The following EIF3L variants were observed in gnomAD, a reference collection of about 807,000 sequenced individuals.
EIF3L encodes the protein eIEF associated protein HSPC021.
A neutral mutation model predicts 74.6 loss-of-function variants in EIF3L; 32 were observed. The observed-to-expected ratio is 0.43, with a 90% CI of 0.32 to 0.58. The LOEUF is 0.58. EIF3L is among the 20% of genes least tolerant of loss of function. The probability of loss-of-function intolerance (pLI) is 0.06; values close to 1 mark genes in which losing one functional copy is unlikely to be tolerated. For synonymous variants in EIF3L, 256 were observed against 254.4 expected (o/e 1.01, Z -0.06); for missense variants, 474 against 707.8 (o/e 0.67, Z 3.75).
chr22:37,871,217 C>T (rs977664654), intron 8 of EIF3L: 1 of 152,110 alleles, frequency 6.6e-6, no homozygotes, highest in Admixed American at 6.5e-5. Flanking sequence ...CTGTGTCACC[C>T]AGTCTGGTCT....
chr22:37,867,923 C>G (rs1424552996), intron 7 of EIF3L, among the ~76,000 whole-genome samples: 2 of 147,226 alleles, frequency 1.4e-5, no homozygotes, highest in Admixed American at 6.8e-5. Flanking sequence ...CCACTGCACT[C>G]CAGCCTCGGA....
rs754708343 is a variant in EIF3L at position 37,863,312 on chromosome 22, G to T, written c.546G>T (p.Trp182Cys). ...GPAPLELPNQ[W>C]LWDIIDEFIY... is the part of the protein sequence containing the mutation. ...CTCCCCTTGAACTACCCAACCAGTG[G>T]CTCTGGGATATTATCGATGAGTTCA... is the stretch of plus-strand genomic sequence containing the variant. Residue 182 changes from tryptophan (W) to cysteine (C), a missense_variant, in exon 7 of 13, where the codon TGG (tryptophan) becomes TGT (cysteine). Physicochemically the swap from Trp to Cys is radical, Grantham distance 215. Transcript: ENST00000652021. 6.2e-6 allele frequency: 10 copies of T among 1,613,924 alleles called. No individual in the cohort carries two copies. The highest frequency in any genetic ancestry group is 8.5e-6 in the Non-Finnish European group (10 of 1,179,964).
At chr22:37,855,723 CTG>C in intron 4 of EIF3L, 79 bp downstream of exon 4, 2 of 1,272,088 alleles carry the variant, frequency 1.6e-6, no homozygotes, top group South Asian at 1.3e-5. Context: ...TCAAGAGGGT[CTG>C]TGTCTGTTTT....
At chr22:37,877,589 C>A in intron 10 of EIF3L, 85 bp from the exon 11 acceptor site, 1 of 1,467,816 alleles carries the variant, frequency 6.8e-7, no homozygotes, top group Non-Finnish European at 9.2e-7. Context: ...AAGATCTGTG[C>A]AGAGAATGGT....
At chr22:37,861,293 T>C (rs751914443) in intron 5 of EIF3L, among the ~76,000 whole-genome samples, 1 of 152,108 alleles carries the variant, frequency 6.6e-6, no homozygotes, top group Non-Finnish European at 1.5e-5. Flanking sequence ...CAGGAGCCAC[T>C]GTCAGTAGTG....
chr22:37,885,071 A>AC (rs1569125433), intron 11 of EIF3L: 1 of 151,844 alleles, frequency 6.6e-6, no homozygotes, highest in Non-Finnish European at 1.5e-5. Flanking sequence ...GGACTGCACC[A>AC]CCACATCTTG....
intron 4 of EIF3L, among the ~76,000 whole-genome samples, chr22:37,856,353 A>G (rs1298268043): frequency 1.3e-5 from 2 of 152,244 alleles, no homozygotes; most frequent in East Asian, 3.9e-4. Flanking sequence ...CTAGGATTAT[A>G]GGCATGAGCC....
intron 7 of EIF3L, among the ~76,000 whole-genome samples, chr22:37,864,695 C>T (rs562664397): frequency 7.9e-5 from 12 of 152,020 alleles, no homozygotes; most frequent in African/African-American, 2.2e-4. Flanking sequence ...CCCACCACCA[C>T]GCCCAGCTAA....
chr22:37,861,357 C>T (rs973000787), intron 5 of EIF3L, among the ~76,000 whole-genome samples: 1 of 152,034 alleles, frequency 6.6e-6, no homozygotes, highest in African/African-American at 2.4e-5. Flanking sequence ...TTCCGGCATC[C>T]CAGCGGGATC....
At chr22:37,860,208 A>G (rs139744515) in intron 5 of EIF3L, among the ~76,000 whole-genome samples, 75 of 152,274 alleles carry the variant, frequency 4.9e-4, no homozygotes, top group Admixed American at 7.9e-4. Context: ...AGTTTTTCTC[A>G]TGGTAATCAT....
chr22:37,864,215 AC>A (rs1284905594), intron 7 of EIF3L, among the ~76,000 whole-genome samples: 6 of 152,092 alleles, frequency 3.9e-5, no homozygotes, highest in Non-Finnish European at 8.8e-5. Context: ...ACACCAACTT[AC>A]GTGGATATTT....
chr22:37,849,984 G>T, intron 1 of EIF3L, 31 bp from the exon 2 acceptor site: 1 of 1,613,190 alleles, frequency 6.2e-7, no homozygotes, highest in Admixed American at 1.7e-5. Flanking sequence ...CGACTTGGCG[G>T]CTGTCCTTGA....
In EIF3L at chr22:37,875,722, T is replaced by C. The variant is rs149588315; in HGVS notation, c.907-119T>C. The C allele has an allele frequency of 3.1e-5, 28 of 910,350 alleles. No homozygotes were observed. In the East Asian group the frequency reaches 7.2e-4, roughly 23 times the overall value. 56.4% of individuals were successfully genotyped at this position (910,350 alleles called of 1,614,324 possible). A position where few individuals can be genotyped will look rare whatever the true frequency, so the allele number is the denominator to read the frequency against. On this transcript the variant is annotated intron_variant, in intron 9 of 12. Coordinates refer to ENST00000652021, the MANE Select transcript of EIF3L (RefSeq NM_016091.4). The stretch of plus-strand genomic sequence containing the variant: ...AAGATCCGCTCTCAAACTCTGGGAC[T>C]CCAGAGCTTCCTCTGGATAGTTGAG...
At chr22:37,863,763 T>C (rs1925991200) in intron 7 of EIF3L, among the ~76,000 whole-genome samples, 1 of 152,126 alleles carries the variant, frequency 6.6e-6, no homozygotes, top group African/African-American at 2.4e-5. Context: ...ATTATCTTTT[T>C]TTTTTTAAGA....
intron 2 of EIF3L, among the ~76,000 whole-genome samples, 184 bp downstream of exon 2, chr22:37,850,247 C>A (rs924725959): frequency 6.6e-6 from 1 of 152,144 alleles, no homozygotes; most frequent in Non-Finnish European, 1.5e-5. Flanking sequence ...CATAGTCCAC[C>A]TCAGTCTTGG....
chr22:37,864,427 A>G (rs1926033417), intron 7 of EIF3L, among the ~76,000 whole-genome samples: 1 of 152,066 alleles, frequency 6.6e-6, no homozygotes, highest in Non-Finnish European at 1.5e-5. Context: ...AATATCACCT[A>G]CCTCAGGAGT....
intron 3 of EIF3L, among the ~76,000 whole-genome samples, chr22:37,852,489 T>A (rs938896211): frequency 4.6e-5 from 7 of 152,104 alleles, no homozygotes; most frequent in Admixed American, 3.3e-4. Context: ...ATAAGATAGG[T>A]CAGTCAAAGC....
At chr22:37,859,604 C>T (rs1434448259) in intron 5 of EIF3L, among the ~76,000 whole-genome samples, 1 of 151,420 alleles carries the variant, frequency 6.6e-6, no homozygotes, top group Non-Finnish European at 1.5e-5. Flanking sequence ...GGATGGTCTC[C>T]ATCTCCTGAC....
intron 7 of EIF3L, among the ~76,000 whole-genome samples, chr22:37,865,638 G>A (rs1013096993): frequency 5.3e-5 from 8 of 152,146 alleles, no homozygotes; most frequent in Non-Finnish European, 1.2e-4. Flanking sequence ...GAACCGTTAC[G>A]AGTGGTGAGC....
Sources: allele counts gnomAD v4.1 joint callset (sites outside exome capture counted in the v4.1 genomes callset), GRCh38; gene constraint gnomAD v4.1.1; transcripts MANE v1.5; gene names NCBI Gene and HGNC (gene_info 2026-07-23, HGNC 2026-07-21).